Variants in RIPOR2 observed in about 807,000 individuals in gnomAD.
RIPOR2 encodes RHO family interacting cell polarization regulator 2.
A neutral mutation model predicts 114.5 loss-of-function variants in RIPOR2; 39 were observed. The observed-to-expected ratio is 0.34, with a 90% confidence interval of 0.26 to 0.44. The LOEUF (loss-of-function observed/expected upper bound fraction) is 0.44. Ranked by LOEUF, RIPOR2 falls within the 20% of genes least tolerant of loss-of-function variation. The pLI is 1.00. For missense variants in RIPOR2, 1,007 were observed against 1,255.1 expected (o/e 0.80, Z 2.99); for synonymous variants, 445 against 484.4 (o/e 0.92, Z 1.07).
At chr6:24,821,223 C>T (rs1311208759) in intron 19 of RIPOR2, among the ~76,000 whole-genome samples, 3 of 136,788 alleles carry the variant, frequency 2.2e-5, no homozygotes, top group Non-Finnish European at 4.6e-5. Flanking sequence ...GCTCTTGTTG[C>T]CCAGGCTGGA....
intron 2 of RIPOR2, 108 bp downstream of exon 2, chr6:24,875,583 G>T (rs928592115): frequency 5.1e-6 from 5 of 981,904 alleles, no homozygotes; most frequent in Non-Finnish European, 7.5e-6. Flanking sequence ...ATGGGGAGGA[G>T]GCCGGGGGGC....
chr6:24,865,247 A>C, intron 7 of RIPOR2, 54 bp downstream of exon 7: 1 of 1,486,528 alleles, frequency 6.7e-7, no homozygotes, highest in Non-Finnish European at 9.1e-7. Flanking sequence ...ATTACCAACA[A>C]TTCACACCAG....
intron 1 of RIPOR2, among the ~76,000 whole-genome samples, chr6:24,966,176 C>G (rs1421215727): frequency 6.6e-6 from 1 of 152,160 alleles, no homozygotes; most frequent in Admixed American, 6.6e-5. Flanking sequence ...CCCATCTGAG[C>G]CTGTCCTCAC....
chr6:24,950,478 C>T (rs1173849793), intron 1 of RIPOR2, among the ~76,000 whole-genome samples: 1 of 152,210 alleles, frequency 6.6e-6, no homozygotes, highest in East Asian at 1.9e-4. Context: ...AATAAAGGCA[C>T]ATTTTCCCTA....
chr6:24,931,084 A>G (rs1012362094), intron 1 of RIPOR2, among the ~76,000 whole-genome samples: 7 of 152,348 alleles, frequency 4.6e-5, no homozygotes, highest in African/African-American at 1.7e-4. Flanking sequence ...TTTGTACATA[A>G]TATGAATTTA....
chr6:24,918,397 T>G (rs1770246010), intron 1 of RIPOR2, among the ~76,000 whole-genome samples: 1 of 152,240 alleles, frequency 6.6e-6, no homozygotes, highest in Non-Finnish European at 1.5e-5. Context: ...GCTCCTTTAA[T>G]TTAATTTAAT....
intron 1 of RIPOR2, among the ~76,000 whole-genome samples, chr6:25,027,147 A>C (rs147917191): frequency 4.4e-4 from 67 of 152,374 alleles, no homozygotes; most frequent in African/African-American, 1.6e-3. Flanking sequence ...TAAAATAATA[A>C]TAAAAAATAA....
At chr6:24,891,754 A>T (rs1767381272) in intron 1 of RIPOR2, among the ~76,000 whole-genome samples, 1 of 141,462 alleles carries the variant, frequency 7.1e-6, no homozygotes. Context: ...TCCTGTAATC[A>T]CACCAAGCTC....
chr6:24,895,896 C>T (rs1057300777), intron 1 of RIPOR2, among the ~76,000 whole-genome samples: 1 of 152,176 alleles, frequency 6.6e-6, no homozygotes, highest in South Asian at 2.1e-4. Context: ...GAGGCTGAGG[C>T]GGAAGAATGG....
rs368517534 is a variant in RIPOR2, at chr6:24,842,806, T to A, written c.1857+56A>T. On this transcript the variant is annotated intron_variant, in intron 13 of 21. Transcript: ENST00000643898. ...ATGATACCTCATCTTAAATAGAATGTTGGCTTAGGACACCTCTCTCCAAAC... is the reference window on the plus strand; with the variant it reads ...ATGATACCTCATCTTAAATAGAATGATGGCTTAGGACACCTCTCTCCAAAC... The A allele has an allele frequency of 1.7e-5, 18 of 1,036,310 alleles. No homozygotes were observed. In the African/African-American group the frequency reaches 2.0e-4, roughly 11 times the overall value. 64.2% of individuals were successfully genotyped at this position (1,036,310 alleles called of 1,614,324 possible). A position where few individuals can be genotyped will look rare whatever the true frequency, so the allele number is the denominator to read the frequency against.
chr6:24,961,633 C>CTT (rs70974954), intron 1 of RIPOR2, among the ~76,000 whole-genome samples: 8 of 134,402 alleles, frequency 6.0e-5, no homozygotes, highest in South Asian at 2.4e-4. Flanking sequence ...TTATTCTAAG[C>CTT]TTTTTTTTTT....
intron 9 of RIPOR2, 89 bp downstream of exon 9, chr6:24,852,486 G>T (rs201744811): frequency 3.1e-6 from 3 of 975,182 alleles, no homozygotes; most frequent in Non-Finnish European, 3.1e-6. Context: ...AAAAAAAAAA[G>T]ACAACTTGAA....
intron 1 of RIPOR2, among the ~76,000 whole-genome samples, chr6:24,919,109 C>A (rs997002238): frequency 6.6e-6 from 1 of 152,208 alleles, no homozygotes; most frequent in African/African-American, 2.4e-5. Flanking sequence ...ACCCACAAAG[C>A]CTTCTTTGGT....
At chr6:25,018,286 G>A (rs1776116244) in intron 1 of RIPOR2, among the ~76,000 whole-genome samples, 1 of 152,100 alleles carries the variant, frequency 6.6e-6, no homozygotes, top group African/African-American at 2.4e-5. Flanking sequence ...ACTGAAATAC[G>A]TTCCTCTTGG....
At chr6:25,031,699 T>TTTTA (rs1776950839) in intron 1 of RIPOR2, among the ~76,000 whole-genome samples, 3 of 35,470 alleles carry the variant, frequency 8.5e-5, no homozygotes, top group East Asian at 9.7e-4. Flanking sequence ...TAGGTGGTAG[T>TTTTA]TATATATATA....
At chr6:24,877,915 C>T (rs747346344) in intron 1 of RIPOR2, among the ~76,000 whole-genome samples, 11 of 151,950 alleles carry the variant, frequency 7.2e-5, no homozygotes, top group Non-Finnish European at 1.0e-4. Context: ...GCAGGAAGGA[C>T]GGTTAGGAAC....
At chr6:24,949,939 T>A (rs954969571) in intron 1 of RIPOR2, among the ~76,000 whole-genome samples, 1 of 152,226 alleles carries the variant, frequency 6.6e-6, no homozygotes, top group Non-Finnish European at 1.5e-5. Flanking sequence ...TGTTAAGTAT[T>A]GTGAGTGAGT....
intron 1 of RIPOR2, among the ~76,000 whole-genome samples, chr6:24,927,341 CCAT>C (rs1469833826): frequency 7.8e-6 from 1 of 127,954 alleles, no homozygotes. Context: ...ACCACCACCA[CCAT>C]CACCATCATC....
At chr6:24,839,920 T>A (rs1180334424) in intron 13 of RIPOR2, 1 of 680,296 alleles carries the variant, frequency 1.5e-6, no homozygotes, top group Non-Finnish European at 1.8e-6. Flanking sequence ...GTTCCCTAGG[T>A]AAGAAGCCCT....
Sources: allele counts gnomAD v4.1 joint callset (sites outside exome capture counted in the v4.1 genomes callset), GRCh38; gene constraint gnomAD v4.1.1; transcripts MANE v1.5; gene names NCBI Gene and HGNC (gene_info 2026-07-23, HGNC 2026-07-21).